The following PLPPR1 variants were observed in gnomAD, a reference collection of about 807,000 sequenced individuals.
PLPPR1 encodes phospholipid phosphatase-related protein type 1.
PLPPR1 carries 10 observed loss-of-function variants against 33.1 expected under a neutral mutation model. The observed-to-expected ratio is 0.30, with a 90% CI of 0.19 to 0.51. PLPPR1 has a LOEUF of 0.51. Among genes scored for constraint, PLPPR1 ranks in the 20% least tolerant of loss-of-function variants. The pLI, the probability that PLPPR1 is intolerant of heterozygous loss-of-function variation, is 0.97. For missense variants in PLPPR1, 304 were observed against 408.1 expected, an observed-to-expected ratio of 0.74 and a Z score of 2.20; for synonymous variants, 151 against 151.0, an observed-to-expected ratio of 1.00 and a Z score of 0.00.
At chr9:101,212,376 C>T (rs1426112980) in intron 2 of PLPPR1, among the ~76,000 whole-genome samples, 1 of 152,158 alleles carries the variant, frequency 6.6e-6, no homozygotes. Flanking sequence ...GGCCACCACT[C>T]CCGGCCACAT....
intron 2 of PLPPR1, among the ~76,000 whole-genome samples, chr9:101,257,380 A>G (rs1280822902): frequency 6.6e-6 from 1 of 151,886 alleles, no homozygotes; most frequent in African/African-American, 2.4e-5. Flanking sequence ...CAAACTATAG[A>G]CTCTCACCCA....
intron 1 of PLPPR1, among the ~76,000 whole-genome samples, chr9:101,062,398 C>T (rs946396616): frequency 2.0e-5 from 3 of 151,906 alleles, no homozygotes; most frequent in Admixed American, 1.3e-4. Flanking sequence ...TAGTTTAGCC[C>T]TCATTAGGCT....
intron 1 of PLPPR1, among the ~76,000 whole-genome samples, chr9:101,042,085 T>G (rs1272682463): frequency 6.6e-6 from 1 of 152,120 alleles, no homozygotes; most frequent in Non-Finnish European, 1.5e-5. Flanking sequence ...GAAGAGAAAT[T>G]TAATCATTCA....
chr9:101,316,837 A>G (rs12683393), intron 6 of PLPPR1, among the ~76,000 whole-genome samples: 55,302 of 151,722 alleles, frequency 0.36, 10,688 homozygotes, highest in African/African-American at 0.5. Context: ...CTTGCTATGC[A>G]TTTGGCACTT....
At chr9:101,076,715 A>G (rs966414484) in intron 1 of PLPPR1, among the ~76,000 whole-genome samples, 1 of 152,226 alleles carries the variant, frequency 6.6e-6, no homozygotes, top group African/African-American at 2.4e-5. Flanking sequence ...GTTATTAATT[A>G]ATATTAGTTG....
intron 1 of PLPPR1, among the ~76,000 whole-genome samples, chr9:101,059,102 A>G (rs1229517112): frequency 3.3e-5 from 5 of 152,098 alleles, no homozygotes; most frequent in Non-Finnish European, 7.4e-5. Flanking sequence ...TTCATTGCAT[A>G]TGAGGTAGAC....
intron 7 of PLPPR1, among the ~76,000 whole-genome samples, chr9:101,323,613 G>A (rs1003195590): frequency 5.3e-5 from 8 of 152,150 alleles, no homozygotes; most frequent in Admixed American, 3.9e-4. Flanking sequence ...GCTGGGGCGG[G>A]TGGATCACCT....
chr9:101,120,556 T>C (rs1186500974), intron 1 of PLPPR1, among the ~76,000 whole-genome samples: 2 of 152,208 alleles, frequency 1.3e-5, no homozygotes, highest in African/African-American at 2.4e-5. Flanking sequence ...ACAGGTGCAG[T>C]TGAATAAATG....
At chr9:101,111,471 A>C (rs1454282241) in intron 1 of PLPPR1, among the ~76,000 whole-genome samples, 1 of 152,186 alleles carries the variant, frequency 6.6e-6, no homozygotes, top group Non-Finnish European at 1.5e-5. Context: ...AATTCCTTTA[A>C]TAAAAATATT....
rs931068237 is a variant in PLPPR1 at position 101,267,223 on chromosome 9, C to T, written c.64-2657C>T. 2.6e-5 allele frequency among the ~76,000 whole-genome samples: 4 copies of T among 152,176 alleles called. No individual in the cohort carries two copies. The South Asian group carries it at 6.2e-4, about 24-fold the overall frequency. Reference sequence around the variant, plus strand: ...CTTGCCATCAGGTCAACTCACTTAACAAGTCAAGCATAAAAGAAACAGTAA... The same window carrying T: ...CTTGCCATCAGGTCAACTCACTTAATAAGTCAAGCATAAAAGAAACAGTAA... On this transcript the variant is annotated intron_variant, in intron 2 of 7. Coordinates refer to ENST00000374874, the MANE Select transcript of PLPPR1 (RefSeq NM_207299.2).
chr9:101,251,673 C>G (rs761481582), intron 2 of PLPPR1, among the ~76,000 whole-genome samples: 2 of 152,050 alleles, frequency 1.3e-5, no homozygotes, highest in Non-Finnish European at 2.9e-5. Flanking sequence ...GCCCTTGATA[C>G]AAGCAGCATC....
intron 1 of PLPPR1, among the ~76,000 whole-genome samples, chr9:101,077,414 TC>T (rs1308400192): frequency 6.6e-6 from 1 of 152,182 alleles, no homozygotes; most frequent in African/African-American, 2.4e-5. Flanking sequence ...TTCTTTGTTT[TC>T]TTTTTTTTCA....
intron 1 of PLPPR1, among the ~76,000 whole-genome samples, chr9:101,108,983 G>C (rs1216245152): frequency 2.1e-5 from 3 of 145,020 alleles, no homozygotes; most frequent in Non-Finnish European, 4.5e-5. Context: ...TTTTGAGATG[G>C]AGTCTCCCTC....
chr9:101,250,694 T>G (rs1031980244), intron 2 of PLPPR1, among the ~76,000 whole-genome samples: 1 of 152,070 alleles, frequency 6.6e-6, no homozygotes, highest in Non-Finnish European at 1.5e-5. Flanking sequence ...CAGTTATACA[T>G]AGTTGTTAAA....
At chr9:101,252,744 C>T (rs571989470) in intron 2 of PLPPR1, among the ~76,000 whole-genome samples, 72 of 151,988 alleles carry the variant, frequency 4.7e-4, no homozygotes, top group African/African-American at 1.6e-3. Flanking sequence ...GAAATTAAAA[C>T]GGTACCATAA....
At chr9:101,301,206 G>T (rs1048591366) in intron 4 of PLPPR1, among the ~76,000 whole-genome samples, 1 of 151,994 alleles carries the variant, frequency 6.6e-6, no homozygotes, top group Admixed American at 6.6e-5. Flanking sequence ...CCAGCTTATC[G>T]CATTGTAAAA....
intron 1 of PLPPR1, among the ~76,000 whole-genome samples, chr9:101,127,935 A>G (rs1331177308): frequency 6.6e-6 from 1 of 152,188 alleles, no homozygotes; most frequent in Non-Finnish European, 1.5e-5. Flanking sequence ...GAGGGATGAG[A>G]AATAGAGAAA....
rs118159537 is a variant in PLPPR1 at position 101,111,177 on chromosome 9, T to C, written c.-45-74273T>C. 6.4e-3 allele frequency among the ~76,000 whole-genome samples: 977 copies of C among 152,270 alleles called. 2 individuals carry two copies. Among genetic ancestry groups the C allele is most frequent in the Non-Finnish European group, 9.3e-3 (631 of 67,960 alleles). On this transcript the variant is annotated intron_variant, in intron 1 of 7. Coordinates refer to ENST00000374874, the MANE Select transcript of PLPPR1 (RefSeq NM_207299.2). ...GGTGATTTTTATATTCTTCTTTTTA[T>C]TTTTAAATCTATGTTTCCTAAGTAC...
chr9:101,111,291 A>G (rs1018876203), intron 1 of PLPPR1, among the ~76,000 whole-genome samples: 11 of 152,176 alleles, frequency 7.2e-5, no homozygotes, highest in Non-Finnish European at 1.6e-4. Context: ...CTAGGAAGAT[A>G]TTCCTGCTAA....
Sources: gnomAD v4.1 joint callset for allele counts (sites outside exome capture counted in the v4.1 genomes callset) on GRCh38, gnomAD v4.1.1 for gene constraint, MANE v1.5 for transcripts, NCBI Gene and HGNC (gene_info 2026-07-23, HGNC 2026-07-21) for gene names.